Variants in MLLT6 observed in about 807,000 individuals in gnomAD.
MLLT6 encodes protein AF-17.
A neutral mutation model predicts 103.0 loss-of-function variants in MLLT6; 22 were observed. The ratio of observed to expected loss-of-function variants is 0.21; its 90% CI spans 0.15 to 0.31. The LOEUF (loss-of-function observed/expected upper bound fraction) is 0.31, where lower values mean the gene tolerates loss of function less well. MLLT6 is among the 10% of genes least tolerant of loss of function. The pLI is 1.00. For synonymous variants in MLLT6, 606 were observed against 623.5 expected (o/e 0.97, Z 0.42); for missense variants, 1,199 against 1,441.7 (o/e 0.83, Z 2.73).
In MLLT6 at chr17:38,715,644, C is replaced by G. The variant is rs373039425; in HGVS notation, c.852C>G (p.His284Gln). ...CCTCGGCTTCCTCTTCCTCCCACCA[C>G]GAGGCCAGCACGCAGGAGACCTCTG... Reference protein sequence around the residue: ...VSSSASSSSHHEASTQETSES... With the variant: ...VSSSASSSSHQEASTQETSES... Residue 284 changes from histidine (H) to glutamine (Q), a missense_variant, in exon 9 of 20, where the codon CAC becomes CAG. His to Gln is a conservative substitution (Grantham distance 24, BLOSUM62 0). Coordinates refer to ENST00000621332, the MANE Select transcript of MLLT6 (RefSeq NM_005937.4). 1.2e-6 allele frequency: 2 copies of G among 1,613,682 alleles called. No individual in the cohort carries two copies. The highest frequency in any genetic ancestry group is 1.7e-5 in the Admixed American group (1 of 59,986).
At chr17:38,714,737 C>G (rs1344989921) in intron 8 of MLLT6, 1 of 152,456 alleles carries the variant, frequency 6.6e-6, no homozygotes, top group East Asian at 1.9e-4. Context: ...GAGTGAAACT[C>G]CATCTCAAAA....
rs1427444364 is a variant in MLLT6, at chr17:38,719,759, C to T, written c.2019C>T (p.Ile673=). 1.2e-6 allele frequency: 2 copies of T among 1,609,690 alleles called. No individual in the cohort carries two copies. The highest frequency in any genetic ancestry group is 1.3e-5 in the African/African-American group (1 of 74,810). The stretch of plus-strand genomic sequence containing the variant: ...TTCCCTCTGGCCGCAGGTCCCCCAT[C>T]AGCAGCCTCCCCGCACTCTTCGACC... ...PQESLSSMSP[I]SSLPALFDQT... Residue 673 remains isoleucine (I), a synonymous_variant, in exon 14 of 20, where the codon ATC becomes ATT. Transcript: ENST00000621332.
In MLLT6 at chr17:38,711,960, A is replaced by T. The variant is rs1905156290; in HGVS notation, c.666A>T (p.Ser222=). ...FISGRRSRSA[S]PSTQQEKHPT... ...CTGGGAGGAGAAGCCGGTCAGCCTCACCATCCACGCAGCAGGAGAAGCACC... is the reference window on the plus strand; with the variant it reads ...CTGGGAGGAGAAGCCGGTCAGCCTCTCCATCCACGCAGCAGGAGAAGCACC... The change falls in exon 7 of 20, where the codon TCA becomes TCT. Residue 222 remains serine, a synonymous_variant. Transcript: ENST00000621332. The T allele has an allele frequency of 1.2e-6, 2 of 1,609,012 alleles. No homozygotes were observed. Among genetic ancestry groups the T allele is most frequent in the Non-Finnish European group, 1.7e-6 (2 of 1,177,150 alleles).
At chr17:38,720,961 C>A in intron 16 of MLLT6, 1 of 596,530 alleles carries the variant, frequency 1.7e-6, no homozygotes, top group Middle Eastern at 3.1e-4. Context: ...ACCGGCACAG[C>A]GCTGCTTCTT....
rs749846506 is a variant in MLLT6, at chr17:38,719,867, G to A, written c.2127G>A (p.Lys709=). Residue 709 remains lysine (K), a synonymous_variant, in exon 14 of 20, where the codon AAG becomes AAA. Transcript: ENST00000621332. Reference sequence around the variant, plus strand: ...CTAACATGGAGCAGCTTCTGGAGAAGCAGGGCGACGGGGAGGCCGGCGTCA... The same window carrying A: ...CTAACATGGAGCAGCTTCTGGAGAAACAGGGCGACGGGGAGGCCGGCGTCA... ...GTTNMEQLLE[K]QGDGEAGVNI... is the part of the protein sequence containing the mutation. 5.6e-6 allele frequency: 9 copies of A among 1,601,446 alleles called. No homozygotes were observed. Among genetic ancestry groups the A allele is most frequent in the Non-Finnish European group, 7.7e-6 (9 of 1,174,726 alleles).
chr17:38,706,141 C>G (rs1189346949), intron 1 of MLLT6: 1 of 152,498 alleles, frequency 6.6e-6, no homozygotes, highest in Non-Finnish European at 1.5e-5. Flanking sequence ...CCCTCGCTTC[C>G]GGATAATGGG....
At position 38,729,143 on chromosome 17, in the gene MLLT6, TGAA is replaced by T. The variant is rs1906191367; in HGVS notation, c.*3548_*3550del. The T allele has an allele frequency of 4.3e-6, 1 of 233,240 alleles. No individual in the cohort carries two copies. The highest frequency in any genetic ancestry group is 1.8e-4 in the South Asian group (1 of 5,528). The allele number at this position is 233,240 out of a possible 1,614,324, so 14.4% of individuals were successfully genotyped here. A position where few individuals can be genotyped will look rare whatever the true frequency, so the allele number is the denominator to read the frequency against. On this transcript the variant is annotated 3_prime_UTR_variant, in exon 20 of 20. Transcript: ENST00000621332. ...ACGCTTCTCTCTCCCAAATTGGAAA[TGAA>T]GACAGGTTTTCAAAGGCACAGGCTC...
chr17:38,720,946 G>C, intron 16 of MLLT6, 199 bp downstream of exon 16: 1 of 605,712 alleles, frequency 1.7e-6, no homozygotes, highest in Non-Finnish European at 2.9e-6. Context: ...CAATCAGTGA[G>C]CAAAACCGGC....
rs145966494 is a variant in MLLT6, at chr17:38,716,669, G to T, written c.1339G>T (p.Ala447Ser). The change falls in exon 10 of 20, where the codon GCA (alanine) becomes TCA (serine). Residue 447 changes from alanine to serine, a missense_variant. Around this residue, in one of 7 missense-constraint regions of MLLT6, gnomAD observed 1,034 missense variants for 1,091.5 expected, o/e 0.95. Transcript: ENST00000621332. This position sits in a 1 kb window ranked among gnomAD's most constrained non-coding sequence, Gnocchi z 5.6. ...ASAGTHKRMP[A>S]LSATPVPADE... ...GGCAGGCACCCACAAACGGATGCCCGCACTGAGTGCCACCCCTGTGCCTGC... is the reference window on the plus strand; with the variant it reads ...GGCAGGCACCCACAAACGGATGCCCTCACTGAGTGCCACCCCTGTGCCTGC... The T allele has an allele frequency of 6.4e-3, 10,259 of 1,612,936 alleles. 50 individuals are homozygous for T. Among genetic ancestry groups the T allele is most frequent in the Non-Finnish European group, 7.9e-3 (9,323 of 1,179,694 alleles).
Position 38,719,799 on chromosome 17 carries a change from C to T in MLLT6, c.2059C>T (p.Pro687Ser), listed in dbSNP as rs752739345. ...ACTCTTCGACCAGACAGCCTCTGCA[C>T]CCTGTGGGGGCGGCCAGTTAGACCC... ...PALFDQTASA[P>S]CGGGQLDPAA... The change falls in exon 14 of 20, where the codon CCC (proline) becomes TCC (serine). Residue 687 changes from proline (P) to serine (S), a missense_variant. Transcript: ENST00000621332. The T allele has an allele frequency of 2.5e-6, 4 of 1,613,362 alleles. No individual in the cohort carries two copies. The highest frequency in any genetic ancestry group is 1.7e-5 in the Admixed American group (1 of 59,978).
At chr17:38,715,478 G>T (rs1460529699) in intron 8 of MLLT6, 134 bp from the exon 9 acceptor site, 6 of 1,407,116 alleles carry the variant, frequency 4.3e-6, no homozygotes, top group South Asian at 1.6e-5. Context: ...CTCCCTGCCC[G>T]GAAGTCCTTC....
Position 38,716,836 on chromosome 17 carries a change from G to A in MLLT6, c.1506G>A (p.Gln502=). 4 of 1,612,666 alleles carry A rather than the reference G, an allele frequency of 2.5e-6. No homozygotes were observed. Among genetic ancestry groups the A allele is most frequent in the Non-Finnish European group, 3.4e-6 (4 of 1,179,318 alleles). The change falls in exon 10 of 20, where the codon CAG becomes CAA. Residue 502 remains glutamine, a synonymous_variant. Transcript: ENST00000621332. This position sits in a 1 kb window ranked among gnomAD's most constrained non-coding sequence, Gnocchi z 5.6. ...GPAAPSLPSA[Q]LAGFTATAAS... ...CTGCCCCATCCTTGCCCAGTGCCCA[G>A]CTGGCTGGCTTTACCGCCACTGCTG...
At position 38,719,777 on chromosome 17, in the gene MLLT6, C is replaced by G; in HGVS notation, c.2037C>G (p.Leu679=). 6.2e-7 allele frequency: 1 copy of G among 1,613,348 alleles called. No individual in the cohort carries two copies. The highest frequency in any genetic ancestry group is 8.5e-7 in the Non-Finnish European group (1 of 1,179,790). ...CCCCCATCAGCAGCCTCCCCGCACT[C>G]TTCGACCAGACAGCCTCTGCACCCT... ...SMSPISSLPA[L]FDQTASAPCG... Residue 679 remains leucine, a synonymous_variant, in exon 14 of 20, where the codon CTC becomes CTG. Coordinates refer to ENST00000621332, the MANE Select transcript of MLLT6 (RefSeq NM_005937.4).
chr17:38,719,767 T>C lies in MLLT6; in HGVS notation c.2027T>C (p.Leu676Pro). The change falls in exon 14 of 20, where the codon CTC becomes CCC. Residue 676 changes from leucine (L) to proline (P), a missense_variant. Transcript: ENST00000621332. ...GGCCGCAGGTCCCCCATCAGCAGCC[T>C]CCCCGCACTCTTCGACCAGACAGCC... ...SLSSMSPISS[L>P]PALFDQTASA... The C allele has an allele frequency of 6.2e-7, 1 of 1,613,026 alleles. No individual in the cohort carries two copies. The highest frequency in any genetic ancestry group is 8.5e-7 in the Non-Finnish European group (1 of 1,179,668).
At chr17:38,720,339 G>T in intron 14 of MLLT6, 33 bp from the exon 15 acceptor site, 2 of 180,690 alleles carry the variant, frequency 1.1e-5, no homozygotes, top group Admixed American at 9.2e-5. Context: ...CCGCCCCCTC[G>T]CCCCTCCCTC....
chr17:38,712,801 C>T lies in MLLT6; in HGVS notation c.819+12C>T. The T allele has an allele frequency of 6.3e-7, 1 of 1,599,926 alleles. No individual in the cohort carries two copies. The highest frequency in any genetic ancestry group is 8.6e-7 in the Non-Finnish European group (1 of 1,167,510). On this transcript the variant is annotated intron_variant, in intron 8 of 19. Coordinates refer to ENST00000621332, the MANE Select transcript of MLLT6 (RefSeq NM_005937.4). ...CCACTGCTGACAAGGTACTGCTGCCCACCTTCAGGAGGGATGGTGTGTGGG... is the reference window on the plus strand; with the variant it reads ...CCACTGCTGACAAGGTACTGCTGCCTACCTTCAGGAGGGATGGTGTGTGGG...
In MLLT6 at chr17:38,716,146, AG is replaced by A; in HGVS notation, c.1037-219del. The A allele has an allele frequency of 1.7e-6, 1 of 601,502 alleles. No homozygotes were observed. Among genetic ancestry groups the A allele is most frequent in the East Asian group, 2.8e-5 (1 of 35,644 alleles). 37.3% of individuals were successfully genotyped at this position (601,502 alleles called of 1,614,324 possible). A position where few individuals can be genotyped will look rare whatever the true frequency, so the allele number is the denominator to read the frequency against. On this transcript the variant is annotated intron_variant, in intron 9 of 19. Transcript: ENST00000621332. The surrounding 1 kb of genome is among the most constrained non-coding windows in gnomAD (Gnocchi z 5.6). ...CTATAATCGCTACAGTCATCTGGTG[AG>A]GCCAGTAGGGTGCGAGTTACTCTCC...
intron 8 of MLLT6, 73 bp downstream of exon 8, chr17:38,712,862 G>A (rs1905191415): frequency 8.7e-7 from 1 of 1,144,290 alleles, no homozygotes; most frequent in Admixed American, 1.7e-5. Flanking sequence ...GGGGGCGAGA[G>A]GTTGGTGAGT....
chr17:38,716,416 G>A lies in MLLT6; in HGVS notation c.1086G>A (p.Glu362=). The change falls in exon 10 of 20, where the codon GAG becomes GAA. Residue 362 remains glutamate (E), a synonymous_variant. Coordinates refer to ENST00000621332, the MANE Select transcript of MLLT6 (RefSeq NM_005937.4). This position sits in a 1 kb window ranked among gnomAD's most constrained non-coding sequence, Gnocchi z 5.6. ...SPDFSAFPKL[E]QPEEDKYSKP... ...ACTTCTCTGCATTCCCCAAGCTGGA[G>A]CAGCCAGAGGAGGACAAGTACTCCA... The A allele has an allele frequency of 6.2e-7, 1 of 1,613,694 alleles. No individual in the cohort carries two copies. Among genetic ancestry groups the A allele is most frequent in the Non-Finnish European group, 8.5e-7 (1 of 1,179,858 alleles).
Sources: gnomAD v4.1 joint callset for allele counts on GRCh38, gnomAD v4.1.1 for gene constraint, gnomAD v4.1.1 regional missense constraint, Gnocchi (gnomAD v3.1) non-coding constraint, MANE v1.5 for transcripts, NCBI Gene and HGNC (gene_info 2026-07-23, HGNC 2026-07-21) for gene names.